Variants in TMEM131 observed in about 807,000 individuals in gnomAD.
The protein encoded by TMEM131 is 2610524E03Rik.
In TMEM131, 66 loss-of-function variants were observed where a neutral mutation model predicts 211.6. That is an observed-to-expected ratio of 0.31 (90% CI 0.26 to 0.38). TMEM131 has a LOEUF of 0.38. TMEM131 is among the 10% of genes least tolerant of loss of function. The probability of loss-of-function intolerance (pLI) is 1.00; values close to 1 mark genes in which losing one functional copy is unlikely to be tolerated. For missense variants in TMEM131, 2,036 were observed against 2,299.3 expected (o/e 0.89, Z 2.34); for synonymous variants, 844 against 841.3 (o/e 1.00, Z -0.06).
At position 97,759,025 on chromosome 2, in the gene TMEM131, T is replaced by C; in HGVS notation, c.5235A>G (p.Arg1745=). 6.2e-7 allele frequency: 1 copy of C among 1,614,044 alleles called. No individual in the cohort carries two copies. Among genetic ancestry groups the C allele is most frequent in the African/African-American group, 1.3e-5 (1 of 75,052 alleles). ...GEVFSKLGLS[R]SCNQASQRSW... ...TCCTCTGTGAGGCCTGATTGCACGA[T>C]CGAGATAATCCGAGTTTGCTGAAAA... The change falls in exon 40 of 41, where the codon CGA becomes CGG. Residue 1745 remains arginine (R), a synonymous_variant. Coordinates refer to ENST00000186436, the MANE Select transcript of TMEM131 (RefSeq NM_015348.2).
At chr2:97,770,793 G>A (rs1009448358) in intron 33 of TMEM131, among the ~76,000 whole-genome samples, 1 of 152,202 alleles carries the variant, frequency 6.6e-6, no homozygotes, top group African/African-American at 2.4e-5. Flanking sequence ...ATAATTCTTA[G>A]ATGCACTGGT....
intron 1 of TMEM131, among the ~76,000 whole-genome samples, chr2:97,957,923 A>G (rs888739569): frequency 3.9e-5 from 6 of 152,162 alleles, no homozygotes; most frequent in African/African-American, 1.4e-4. Flanking sequence ...GAACTCATAC[A>G]CTGAGATGAG....
chr2:97,986,360 G>T (rs1010360510), intron 1 of TMEM131, among the ~76,000 whole-genome samples: 16 of 152,160 alleles, frequency 1.1e-4, no homozygotes, highest in African/African-American at 3.6e-4. Flanking sequence ...GGAGAGGGAA[G>T]AGAGATGAGG....
chr2:97,775,100 T>C (rs2104814517), intron 32 of TMEM131, among the ~76,000 whole-genome samples: 1 of 152,324 alleles, frequency 6.6e-6, no homozygotes, highest in South Asian at 2.1e-4. Flanking sequence ...TTGAAATCCA[T>C]TTATCTAAAA....
chr2:97,858,724 G>A (rs1446243124), intron 5 of TMEM131, among the ~76,000 whole-genome samples: 1 of 152,184 alleles, frequency 6.6e-6, no homozygotes, highest in African/African-American at 2.4e-5. Flanking sequence ...GGAACCTGGA[G>A]GCCCTGAGGA....
At chr2:97,932,379 T>C (rs1677262802) in intron 1 of TMEM131, among the ~76,000 whole-genome samples, 1 of 152,192 alleles carries the variant, frequency 6.6e-6, no homozygotes, top group African/African-American at 2.4e-5. Context: ...CATATACTTG[T>C]CTTCTTGCCA....
chr2:97,853,392 C>T (rs1291259054), intron 5 of TMEM131, among the ~76,000 whole-genome samples: 17 of 140,638 alleles, frequency 1.2e-4, no homozygotes, highest in African/African-American at 3.2e-4. Flanking sequence ...GTCAGGAGTT[C>T]GAGACCAGCC....
At chr2:97,911,756 T>A in intron 2 of TMEM131, 1 of 624,822 alleles carries the variant, frequency 1.6e-6, no homozygotes, top group Non-Finnish European at 2.0e-6. Context: ...CATTTAACTG[T>A]AATAAACAAG....
At chr2:97,799,556 T>C (rs561674075) in intron 25 of TMEM131, among the ~76,000 whole-genome samples, 1 of 152,348 alleles carries the variant, frequency 6.6e-6, no homozygotes. Context: ...CTAATAAAAT[T>C]CAAGCTTTTG....
In TMEM131 at chr2:97,859,392, A is replaced by G; in HGVS notation, c.395T>C (p.Leu132Ser). The G allele has an allele frequency of 1.9e-6, 3 of 1,592,774 alleles. No individual in the cohort carries two copies. The highest frequency in any genetic ancestry group is 2.3e-5 in the East Asian group (1 of 43,886). ...CGTTTCTTCAGAACTAGGATTATGT[A>G]AGTAGACTTTTTCCATTTTTGGCAT... is the stretch of plus-strand genomic sequence containing the variant. ...VGMPKMEKVY[L>S]HNPSSEETIT... is the part of the protein sequence containing the mutation. The change falls in exon 5 of 41, where the codon TTA (leucine) becomes TCA (serine). Residue 132 changes from leucine to serine, a missense_variant. Around this residue, in one of 3 missense-constraint regions of TMEM131, gnomAD observed 277 missense variants for 378.0 expected, o/e 0.73. Transcript: ENST00000186436.
chr2:97,975,525 G>T (rs1419039255), intron 1 of TMEM131, among the ~76,000 whole-genome samples: 1 of 152,036 alleles, frequency 6.6e-6, no homozygotes, highest in Admixed American at 6.6e-5. Flanking sequence ...CAACTTAGAT[G>T]AAATGAACAA....
rs558263695 is a variant in TMEM131, at chr2:97,833,974, AT to A, written c.1013-549del. 3.5e-3 allele frequency among the ~76,000 whole-genome samples: 540 copies of A among 152,244 alleles called. 4 individuals carry two copies. Among genetic ancestry groups the A allele is most frequent in the Middle Eastern group, 0.01 (3 of 294 alleles). ...CATCATGCCCAGCCCCCCAAATATT[AT>A]TTTTTTGTGAAGTCAGACATTACTA... On this transcript the variant is annotated intron_variant, in intron 10 of 40. Transcript: ENST00000186436.
chr2:97,987,658 G>A (rs1251557133), intron 1 of TMEM131, among the ~76,000 whole-genome samples: 4 of 152,138 alleles, frequency 2.6e-5, no homozygotes, highest in African/African-American at 9.7e-5. Context: ...TAAAAACTAT[G>A]TATTTACAAC....
At chr2:97,771,984 T>C (rs577206507) in intron 33 of TMEM131, among the ~76,000 whole-genome samples, 109 of 152,270 alleles carry the variant, frequency 7.2e-4, no homozygotes, top group Admixed American at 8.5e-4. Flanking sequence ...AGGTCATCTT[T>C]GTGCAGAAGT....
At chr2:97,865,244 T>C (rs1674225643) in intron 4 of TMEM131, among the ~76,000 whole-genome samples, 1 of 152,230 alleles carries the variant, frequency 6.6e-6, no homozygotes, top group South Asian at 2.1e-4. Context: ...TTGGAGTAAA[T>C]TAATTGGATA....
chr2:97,964,542 A>G (rs562335775), intron 1 of TMEM131, among the ~76,000 whole-genome samples: 1 of 152,380 alleles, frequency 6.6e-6, no homozygotes, highest in Admixed American at 6.5e-5. Flanking sequence ...TATTTTTATC[A>G]TATCAAGCTT....
At chr2:97,782,246 G>A (rs905522493) in intron 31 of TMEM131, among the ~76,000 whole-genome samples, 5 of 152,256 alleles carry the variant, frequency 3.3e-5, no homozygotes. Context: ...CTACCCAGCA[G>A]TAATGAGGAG....
intron 5 of TMEM131, among the ~76,000 whole-genome samples, chr2:97,853,578 C>T (rs898709143): frequency 2.7e-5 from 4 of 149,988 alleles, no homozygotes; most frequent in Admixed American, 6.6e-5. Flanking sequence ...TGCACTCCAG[C>T]CTGGGCGACA....
chr2:97,837,771 T>G (rs1683001882), intron 7 of TMEM131, among the ~76,000 whole-genome samples: 1 of 152,192 alleles, frequency 6.6e-6, no homozygotes, highest in African/African-American at 2.4e-5. Context: ...GTATACAACC[T>G]GATGAATCCT....
Sources: gnomAD v4.1 joint callset for allele counts (sites outside exome capture counted in the v4.1 genomes callset) on GRCh38, gnomAD v4.1.1 for gene constraint, gnomAD v4.1.1 regional missense constraint, MANE v1.5 for transcripts, NCBI Gene and HGNC (gene_info 2026-07-23, HGNC 2026-07-21) for gene names.